The following UNC13C variants were observed in gnomAD, a reference collection of about 807,000 sequenced individuals.
UNC13C encodes the protein unc-13 homolog C.
A neutral mutation model predicts 245.4 loss-of-function variants in UNC13C; 174 were observed. The observed-to-expected ratio is 0.71, with a 90% CI of 0.63 to 0.80. The LOEUF (loss-of-function observed/expected upper bound fraction) is 0.80, where lower values mean the gene tolerates loss of function less well. Ranked by LOEUF, UNC13C falls within the 30% of genes least tolerant of loss-of-function variation. The probability of loss-of-function intolerance (pLI) is 0.00; values close to 1 mark genes in which losing one functional copy is unlikely to be tolerated. For synonymous variants in UNC13C, 992 were observed against 895.1 expected (o/e 1.11, Z -1.93); for missense variants, 2,829 against 2,602.9 (o/e 1.09, Z -1.89).
chr15:54,127,839 C>T lies in UNC13C; in HGVS notation c.2984-15179C>T, dbSNP rs141414464. 4.4e-3 allele frequency among the ~76,000 whole-genome samples: 650 copies of T among 148,836 alleles called. 39 individuals carry two copies. In the East Asian group the frequency reaches 0.085, roughly 20 times the overall value. On this transcript the variant is annotated intron_variant, in intron 2 of 32. Transcript: ENST00000260323. ...TATTTTTAAAAGCTTGAACCTTCCT[C>T]CTTGGGAACTGGAGCTGGGACAAGA...
intron 19 of UNC13C, among the ~76,000 whole-genome samples, chr15:54,416,574 A>C (rs2040525892): frequency 6.6e-6 from 1 of 152,026 alleles, no homozygotes; most frequent in Non-Finnish European, 1.5e-5. Flanking sequence ...ATCCTTTTAC[A>C]TCTCTCTGCT....
intron 29 of UNC13C, among the ~76,000 whole-genome samples, chr15:54,563,266 T>C (rs575854248): frequency 1.2e-4 from 19 of 152,024 alleles, no homozygotes. Context: ...GCTTTCTGCC[T>C]TTGTTTTTTT....
At chr15:54,437,151 T>C (rs1890264042) in intron 19 of UNC13C, among the ~76,000 whole-genome samples, 1 of 151,970 alleles carries the variant, frequency 6.6e-6, no homozygotes, top group Non-Finnish European at 1.5e-5. Flanking sequence ...CCTTGGATAA[T>C]TGCTTTCACT....
At chr15:54,076,592 T>A (rs1449265214) in intron 2 of UNC13C, among the ~76,000 whole-genome samples, 1 of 150,662 alleles carries the variant, frequency 6.6e-6, no homozygotes, top group African/African-American at 2.4e-5. Context: ...ACACCACATT[T>A]ATTGGGTAGT....
At chr15:54,622,054 C>T (rs1394066098) in intron 30 of UNC13C, among the ~76,000 whole-genome samples, 1 of 152,062 alleles carries the variant, frequency 6.6e-6, no homozygotes, top group African/African-American at 2.4e-5. Flanking sequence ...AGTAAATCAA[C>T]CCTAGTTCTT....
the UNC13C span, among the ~76,000 whole-genome samples, chr15:53,972,469 T>G: frequency 6.6e-6 from 1 of 152,212 alleles, no homozygotes; most frequent in South Asian, 2.1e-4. Flanking sequence ...CAAAGAAATA[T>G]GTTCTTGACT....
chr15:54,571,517 G>T (rs1234168848), intron 30 of UNC13C, among the ~76,000 whole-genome samples: 1 of 152,162 alleles, frequency 6.6e-6, no homozygotes, highest in Non-Finnish European at 1.5e-5. Context: ...TGTAAATATT[G>T]TTGCAATTAT....
At chr15:54,372,264 T>C (rs1166934968) in intron 17 of UNC13C, among the ~76,000 whole-genome samples, 1 of 152,094 alleles carries the variant, frequency 6.6e-6, no homozygotes, top group Non-Finnish European at 1.5e-5. Context: ...AATATAGTAA[T>C]ATGTCATATC....
chr15:54,382,174 T>C (rs555509339), intron 17 of UNC13C, among the ~76,000 whole-genome samples: 8 of 152,248 alleles, frequency 5.3e-5, no homozygotes, highest in Admixed American at 2.0e-4. Flanking sequence ...TTAAGATTTA[T>C]ATTAAAACAT....
At chr15:54,440,079 G>C (rs72736508) in intron 19 of UNC13C, among the ~76,000 whole-genome samples, 21,720 of 151,724 alleles carry the variant, frequency 0.14, 1,600 homozygotes, top group Non-Finnish European at 0.17. Context: ...GGTCATGGGG[G>C]GTGGGTTCCC....
chr15:54,447,173 T>C (rs369113451), intron 19 of UNC13C, among the ~76,000 whole-genome samples: 1 of 152,242 alleles, frequency 6.6e-6, no homozygotes, highest in Non-Finnish European at 1.5e-5. Context: ...CTTGTTGATA[T>C]GCTGCTGGAT....
chr15:54,055,152 G>A (rs1897453516), intron 2 of UNC13C, among the ~76,000 whole-genome samples: 1 of 152,156 alleles, frequency 6.6e-6, no homozygotes, highest in Non-Finnish European at 1.5e-5. Flanking sequence ...AACATGCAAT[G>A]CCAAATAATT....
intron 13 of UNC13C, among the ~76,000 whole-genome samples, chr15:54,309,288 C>A (rs1467422841): frequency 6.6e-6 from 1 of 151,814 alleles, no homozygotes; most frequent in Non-Finnish European, 1.5e-5. Flanking sequence ...TACTATTGGG[C>A]ATTTGTATGT....
At chr15:54,586,375 G>C (rs945311704) in intron 30 of UNC13C, among the ~76,000 whole-genome samples, 10 of 152,202 alleles carry the variant, frequency 6.6e-5, no homozygotes, top group African/African-American at 2.4e-4. Flanking sequence ...GTGCCAGTGG[G>C]CTTGGTTTTT....
intron 24 of UNC13C, 68 bp from the exon 25 acceptor site, chr15:54,525,481 C>G: frequency 8.6e-7 from 1 of 1,161,168 alleles, no homozygotes; most frequent in Non-Finnish European, 1.2e-6. Context: ...AATCAAAATG[C>G]TTGTAAGCAA....
intron 2 of UNC13C, among the ~76,000 whole-genome samples, chr15:54,103,951 G>C (rs1244110104): frequency 1.5e-5 from 2 of 136,574 alleles, no homozygotes; most frequent in African/African-American, 5.0e-5. Flanking sequence ...CACCGTGTTG[G>C]CCAGGATGGT....
intron 30 of UNC13C, among the ~76,000 whole-genome samples, chr15:54,616,332 T>C (rs1408753782): frequency 6.6e-5 from 10 of 152,038 alleles, no homozygotes; most frequent in African/African-American, 2.4e-4. Context: ...AATGTTACAG[T>C]CAGTGATACA....
chr15:54,118,554 T>A (rs2030438084), intron 2 of UNC13C, among the ~76,000 whole-genome samples: 1 of 152,044 alleles, frequency 6.6e-6, no homozygotes, highest in African/African-American at 2.4e-5. Context: ...TTTGGTGGAG[T>A]CTAGGTTTTT....
chr15:53,859,631 T>TAC, the UNC13C span, among the ~76,000 whole-genome samples: 74,446 of 151,366 alleles, frequency 0.49, 18,453 homozygotes, highest in East Asian at 0.62. Context: ...AGTACAGGCA[T>TAC]ACACACACAC....
Sources: gnomAD v4.1 joint callset for allele counts (sites outside exome capture counted in the v4.1 genomes callset) on GRCh38, gnomAD v4.1.1 for gene constraint, MANE v1.5 for transcripts, NCBI Gene and HGNC (gene_info 2026-07-23, HGNC 2026-07-21) for gene names.